Variants in TMEM9 observed in about 807,000 individuals in gnomAD.
TMEM9 encodes the protein proton-transporting V-type ATPase complex assembly regulator TMEM9.
In TMEM9, 13 loss-of-function variants were observed where a neutral mutation model predicts 22.8. The ratio of observed to expected loss-of-function variants is 0.57; its 90% CI spans 0.37 to 0.91. The LOEUF is 0.91. Among genes scored for constraint, TMEM9 ranks in the 40% least tolerant of loss-of-function variants. The probability of loss-of-function intolerance (pLI) is 0.01; values close to 1 mark genes in which losing one functional copy is unlikely to be tolerated. For synonymous variants in TMEM9, 88 were observed against 93.0 expected (o/e 0.95, Z 0.31); for missense variants, 182 against 238.1 (o/e 0.76, Z 1.55).
rs146831772 is a variant in TMEM9, at chr1:201,139,664, G to A, written c.400-3849C>T. ...GATCCTCACTCAGGCCCTTGTGCAC[G>A]CTGCCCCTCAGGCTTCCCTCCAGCA... On this transcript the variant is annotated intron_variant, in intron 4 of 4. Coordinates refer to ENST00000367330, the MANE Select transcript of TMEM9 (RefSeq NM_001288565.2). 6.7e-3 allele frequency among the ~76,000 whole-genome samples: 1,019 copies of A among 152,248 alleles called. 10 individuals are homozygous for A. The highest frequency in any genetic ancestry group is 0.014 in the Middle Eastern group (4 of 294).
chr1:201,143,875 A>T lies in TMEM9; in HGVS notation c.344T>A (p.Leu115Gln). ...AGTATATGCATCCGGCTTTCGGATCAGAGGGTCCACCAGCATCAGGAAGGC... is the reference window on the plus strand; with the variant it reads ...AGTATATGCATCCGGCTTTCGGATCTGAGGGTCCACCAGCATCAGGAAGGC... ...YMAFLMLVDP[L>Q]IRKPDAYTEQ... Residue 115 changes from leucine to glutamine, a missense_variant, in exon 4 of 5, where the codon CTG (leucine) becomes CAG (glutamine). Transcript: ENST00000367330. 6.2e-7 allele frequency: 1 copy of T among 1,614,118 alleles called. No individual in the cohort carries two copies. Among genetic ancestry groups the T allele is most frequent in the Non-Finnish European group, 8.5e-7 (1 of 1,180,012 alleles).
rs1407759319 is a variant in TMEM9, at chr1:201,153,925, CT to C, written c.-3del. The C allele has an allele frequency of 1.7e-5, 27 of 1,608,222 alleles. No homozygotes were observed. Among genetic ancestry groups the C allele is most frequent in the African/African-American group, 2.7e-5 (2 of 74,704 alleles). ...AGCCACCAAAGATAAGAGCTTCATG[CT>C]TATCAGGCTTGCTGGGCCAGCAAAG... On this transcript the variant is annotated 5_prime_UTR_variant, in exon 1 of 5. Coordinates refer to ENST00000367330, the MANE Select transcript of TMEM9 (RefSeq NM_001288565.2).
intron 1 of TMEM9, among the ~76,000 whole-genome samples, chr1:201,160,741 C>G (rs1478885027): frequency 2.0e-5 from 3 of 151,894 alleles, no homozygotes; most frequent in Non-Finnish European, 4.4e-5. Context: ...TCGAGAACAT[C>G]CTGGCTAACA....
intron 4 of TMEM9, among the ~76,000 whole-genome samples, chr1:201,142,632 G>A (rs1381700044): frequency 2.6e-5 from 4 of 152,182 alleles, no homozygotes; most frequent in African/African-American, 7.2e-5. Context: ...GGCGCTTCCC[G>A]ACTAGATATT....
intron 1 of TMEM9, among the ~76,000 whole-genome samples, chr1:201,159,810 A>G (rs1366406672): frequency 6.6e-6 from 1 of 152,182 alleles, no homozygotes; most frequent in Non-Finnish European, 1.5e-5. Flanking sequence ...TTTTTTCTAT[A>G]TAAATGCACA....
chr1:201,159,912 T>C (rs1466589944), intron 1 of TMEM9, among the ~76,000 whole-genome samples: 1 of 152,260 alleles, frequency 6.6e-6, no homozygotes, highest in Admixed American at 6.5e-5. Flanking sequence ...TTAGCTACCC[T>C]GATGTGTACA....
chr1:201,138,847 G>A (rs575899723), intron 4 of TMEM9, among the ~76,000 whole-genome samples: 4 of 152,220 alleles, frequency 2.6e-5, no homozygotes, highest in Non-Finnish European at 5.9e-5. Flanking sequence ...ACCCATGTAC[G>A]TATATCTCTT....
chr1:201,155,074 A>T (rs1665742407), upstream of TMEM9, among the ~76,000 whole-genome samples: 1 of 152,138 alleles, frequency 6.6e-6, no homozygotes, highest in Non-Finnish European at 1.5e-5. Flanking sequence ...TGCAGGGGTG[A>T]GGGTCCCTGG....
chr1:201,152,161 GGTGTGTGTGTGTGTGT>G (rs3222916), intron 1 of TMEM9, among the ~76,000 whole-genome samples: 1 of 149,960 alleles, frequency 6.7e-6, no homozygotes, highest in Non-Finnish European at 1.5e-5. Flanking sequence ...AGGGGAAATG[GGTGTGTGTGTGTGTGT>G]GTGTGTGTGT....
intron 3 of TMEM9, 139 bp from the exon 4 acceptor site, chr1:201,144,090 G>A (rs1664762304): frequency 3.5e-6 from 3 of 853,248 alleles, no homozygotes; most frequent in South Asian, 3.3e-5. Context: ...AGGCAACGTG[G>A]GCTCAGAGGG....
upstream of TMEM9, among the ~76,000 whole-genome samples, chr1:201,155,014 C>T (rs1216000914): frequency 6.6e-6 from 1 of 152,148 alleles, no homozygotes; most frequent in Non-Finnish European, 1.5e-5. Flanking sequence ...CCCCCTACCC[C>T]ATGCTGGTGC....
At chr1:201,171,125 CCGCT>C (rs1666201143) in intron 1 of TMEM9, among the ~76,000 whole-genome samples, 1 of 152,218 alleles carries the variant, frequency 6.6e-6, no homozygotes, top group Non-Finnish European at 1.5e-5. Flanking sequence ...AGCCAGCCGC[CCGCT>C]CGCTCCGTCC....
intron 1 of TMEM9, among the ~76,000 whole-genome samples, chr1:201,163,325 C>A (rs187780630): frequency 6.6e-6 from 1 of 152,084 alleles, no homozygotes; most frequent in African/African-American, 2.4e-5. Context: ...CGCGGTGGCT[C>A]ACACCTATAA....
At chr1:201,139,213 C>G (rs1664285874) in intron 4 of TMEM9, among the ~76,000 whole-genome samples, 1 of 151,680 alleles carries the variant, frequency 6.6e-6, no homozygotes, top group African/African-American at 2.4e-5. Flanking sequence ...GGCGGCTCTC[C>G]TCTCTCTGGC....
At chr1:201,157,102 G>A (rs1665817911), upstream of TMEM9, among the ~76,000 whole-genome samples, 1 of 152,172 alleles carries the variant, frequency 6.6e-6, no homozygotes, top group African/African-American at 2.4e-5. Flanking sequence ...GCTACAGAGA[G>A]GGGTCCTGGA....
intron 1 of TMEM9, among the ~76,000 whole-genome samples, chr1:201,163,585 G>A (rs186886940): frequency 2.8e-4 from 42 of 151,976 alleles, no homozygotes; most frequent in African/African-American, 8.0e-4. Context: ...GTGAGATTAC[G>A]TCTCAAAAAA....
intron 2 of TMEM9, among the ~76,000 whole-genome samples, chr1:201,147,608 T>C (rs1665082111): frequency 6.6e-6 from 1 of 152,204 alleles, no homozygotes; most frequent in Admixed American, 6.5e-5. Flanking sequence ...TTGGCCTTTC[T>C]AACACATACT....
At chr1:201,150,129 G>C (rs1665304940) in intron 2 of TMEM9, among the ~76,000 whole-genome samples, 1 of 152,220 alleles carries the variant, frequency 6.6e-6, no homozygotes, top group African/African-American at 2.4e-5. Context: ...TCCTAAATTT[G>C]CAAGTGTCTG....
chr1:201,150,405 G>A (rs1665326744), intron 2 of TMEM9, among the ~76,000 whole-genome samples: 1 of 152,142 alleles, frequency 6.6e-6, no homozygotes, highest in African/African-American at 2.4e-5. Flanking sequence ...CATTTACTGT[G>A]TGCCAGGTAT....
Sources: gnomAD v4.1 joint callset for allele counts (sites outside exome capture counted in the v4.1 genomes callset) on GRCh38, gnomAD v4.1.1 for gene constraint, MANE v1.5 for transcripts, NCBI Gene and HGNC (gene_info 2026-07-23, HGNC 2026-07-21) for gene names.